Variants in RTL5 observed in about 807,000 individuals in gnomAD.
RTL5 encodes the protein retrotransposon Gag-like protein 5.
Under a neutral mutation model 7.7 loss-of-function variants are expected in RTL5, and 8 were observed. The ratio of observed to expected loss-of-function variants is 1.04; its 90% CI spans 0.61 to 1.88. RTL5 has a LOEUF of 1.88. Ranked by LOEUF, RTL5 falls within the 40% of genes most tolerant of loss-of-function variation. The pLI is 0.00. For synonymous variants in RTL5, 188 were observed against 191.8 expected (o/e 0.98, Z 0.16); for missense variants, 457 against 472.7 (o/e 0.97, Z 0.31).
exon 1 of RTL5, chrX:72,130,995 G>A (rs746593940): frequency 4.1e-6 from 5 of 1,211,138 alleles, no homozygotes; most frequent in Non-Finnish European, 4.5e-6. Context: ...CGGCGCCCCC[G>A]GGGAAATGAA....
chrX:72,130,710 G>C, exon 1 of RTL5: 1 of 1,212,029 alleles, frequency 8.3e-7, no homozygotes, highest in Non-Finnish European at 1.1e-6. Flanking sequence ...ACAGGCCTTT[G>C]AGGAATTGGT....
exon 1 of RTL5, chrX:72,129,057 T>C (rs971524789): frequency 2.7e-5 from 3 of 112,647 alleles, no homozygotes; most frequent in African/African-American, 9.7e-5. Flanking sequence ...AGGAGGGCAA[T>C]GTGGTGAGAG....
chrX:72,131,231 A>G, exon 1 of RTL5: 4 of 1,203,254 alleles, frequency 3.3e-6, no homozygotes, highest in Non-Finnish European at 4.5e-6. Context: ...ACGTTAATCA[A>G]AAGATCATCC....
exon 1 of RTL5, chrX:72,130,845 G>T (rs1569482962): frequency 2.5e-6 from 3 of 1,210,141 alleles, no homozygotes; most frequent in Non-Finnish European, 3.4e-6. Context: ...CACGTGGGGG[G>T]ATGGGGCCAC....
At chrX:72,130,907 G>T in exon 1 of RTL5, 1 of 1,211,797 alleles carries the variant, frequency 8.3e-7, no homozygotes, top group Non-Finnish European at 1.1e-6. Context: ...GCATGCAAGG[G>T]GCTTCCTTCC....
At chrX:72,129,774 C>G in exon 1 of RTL5, 3 of 1,090,954 alleles carry the variant, frequency 2.7e-6, no homozygotes, top group African/African-American at 1.8e-5. Flanking sequence ...GCAGCAATAG[C>G]AGGGGCGGGG....
chrX:72,130,668 T>C (rs1211550529), exon 1 of RTL5: 1 of 1,212,028 alleles, frequency 8.3e-7, no homozygotes, highest in South Asian at 1.8e-5. Context: ...CCATTTCTGT[T>C]GACCATAAGA....
chrX:72,130,360 T>C, exon 1 of RTL5: 6 of 1,154,149 alleles, frequency 5.2e-6, no homozygotes, highest in Non-Finnish European at 7.0e-6. Context: ...CTCCTCCTCC[T>C]CCTTCTCTTC....
exon 1 of RTL5, chrX:72,131,055 G>A: frequency 8.3e-7 from 1 of 1,210,578 alleles, no homozygotes; most frequent in African/African-American, 1.7e-5. Context: ...ATTCAGCCAG[G>A]TAGACTGGGT....
At chrX:72,131,209 C>G (rs1284832425) in exon 1 of RTL5, 19 of 1,196,491 alleles carry the variant, frequency 1.6e-5, no homozygotes, top group Non-Finnish European at 2.0e-5. Context: ...GGGGGTGCTG[C>G]GATCCTGGAT....
At chrX:72,131,322 G>A in exon 1 of RTL5, 1 of 1,201,966 alleles carries the variant, frequency 8.3e-7, no homozygotes, top group Non-Finnish European at 1.1e-6. Flanking sequence ...CGATCTCACT[G>A]AGCGCGAACT....
exon 1 of RTL5, chrX:72,129,592 T>G: frequency 2.4e-6 from 1 of 409,461 alleles, no homozygotes; most frequent in East Asian, 3.9e-5. Flanking sequence ...CTGAGCAGAG[T>G]ACATGCCAAG....
At chrX:72,130,188 C>T (rs1351847607) in exon 1 of RTL5, 4 of 1,208,257 alleles carry the variant, frequency 3.3e-6, no homozygotes, top group South Asian at 1.8e-5. Flanking sequence ...GCTCCTCCTC[C>T]ACCTCACCAT....
At position 72,130,193 on chromosome X, in the gene RTL5, C is replaced by T. The variant is rs1305483691; in HGVS notation, c.1348G>A (p.Glu450Lys). The change falls in exon 1 of 1, where the codon GAG (glutamate) becomes AAG (lysine). Residue 450 changes from glutamate to lysine, a missense_variant. Glu to Lys is a moderately conservative substitution (Grantham distance 56, BLOSUM62 1). Transcript: ENST00000609883. ...TCATCCAGTGGCTCCTCCTCCACCT[C>T]ACCATAGGTCTCCTCAGTCCCTGGA... The T allele has an allele frequency of 2.5e-6, 3 of 1,210,853 alleles. No individual in the cohort carries two copies. The South Asian group carries it at 5.3e-5, about 21-fold the overall frequency.
rs372733180 is a variant in RTL5 at position 72,130,113 on chromosome X, G to A, written c.1428C>T (p.His476=). The A allele has an allele frequency of 1.8e-5, 22 of 1,208,626 alleles. No homozygotes were observed. The East Asian group carries it at 3.0e-4, about 16-fold the overall frequency. Residue 476 remains histidine, a synonymous_variant, in exon 1 of 1, where the codon CAC becomes CAT. Transcript: ENST00000609883. ...TGGGGCCAGAAGTCTGGGATGACGCGTGAACAAAGGTCGGCTCCATCTCCA... is the reference window on the plus strand; with the variant it reads ...TGGGGCCAGAAGTCTGGGATGACGCATGAACAAAGGTCGGCTCCATCTCCA...
At chrX:72,131,913 G>C (rs1455903503), upstream of RTL5, 78 of 476,270 alleles carry the variant, frequency 1.6e-4, no homozygotes, top group South Asian at 2.3e-3. Flanking sequence ...AGGATCTGTC[G>C]AGGAAAAATC....
exon 1 of RTL5, chrX:72,129,838 C>A: frequency 8.4e-7 from 1 of 1,189,169 alleles, no homozygotes. Context: ...CACTCAAACT[C>A]GAATTCGGCC....
exon 1 of RTL5, chrX:72,128,447 G>T (rs1352533776): frequency 8.9e-6 from 1 of 112,831 alleles, no homozygotes; most frequent in Non-Finnish European, 1.9e-5. Context: ...GGCATTTTAT[G>T]GCCAAAACTG....
At chrX:72,131,010 A>T in exon 1 of RTL5, 1 of 1,210,741 alleles carries the variant, frequency 8.3e-7, no homozygotes, top group Non-Finnish European at 1.1e-6. Flanking sequence ...AATGAACCTC[A>T]TGGTCGGCTA....
Sources: allele counts gnomAD v4.1 joint callset, GRCh38; gene constraint gnomAD v4.1.1; transcripts MANE v1.5; gene names NCBI Gene and HGNC (gene_info 2026-07-23, HGNC 2026-07-21).